KCTD15: variants seen among roughly 807,000 people sequenced by gnomAD.
KCTD15 encodes BTB/POZ domain-containing protein KCTD15.
KCTD15 carries 11 observed loss-of-function variants against 27.2 expected under a neutral mutation model. That is an observed-to-expected ratio of 0.41 (90% CI 0.25 to 0.67). The LOEUF (loss-of-function observed/expected upper bound fraction) is 0.67. KCTD15 is among the 30% of genes least tolerant of loss of function. The pLI, the probability that KCTD15 is intolerant of heterozygous loss-of-function variation, is 0.35. For synonymous variants in KCTD15, 163 were observed against 176.0 expected (o/e 0.93, Z 0.58); for missense variants, 350 against 409.3 (o/e 0.86, Z 1.25).
At chr19:33,797,866 T>C (rs1599666353) in intron 1 of KCTD15, among the ~76,000 whole-genome samples, 1 of 152,308 alleles carries the variant, frequency 6.6e-6, no homozygotes, top group South Asian at 2.1e-4. Flanking sequence ...ACAAAAGCGC[T>C]TTTACGTCCT....
At chr19:33,794,764 C>T (rs1975267401), upstream of KCTD15, among the ~76,000 whole-genome samples, 1 of 152,256 alleles carries the variant, frequency 6.6e-6, no homozygotes, top group South Asian at 2.1e-4. Context: ...GCTTCACTTT[C>T]TATTTGTGTC....
chr19:33,804,965 C>T (rs1168767618), intron 4 of KCTD15, among the ~76,000 whole-genome samples: 1 of 152,190 alleles, frequency 6.6e-6, no homozygotes, highest in Non-Finnish European at 1.5e-5. Flanking sequence ...GTTTGTCTTT[C>T]TTGGCCAGGC....
At chr19:33,811,731 G>T (rs545476530) in intron 6 of KCTD15, 179 bp downstream of exon 6, 3 of 1,567,660 alleles carry the variant, frequency 1.9e-6, no homozygotes, top group Non-Finnish European at 2.6e-6. Flanking sequence ...ATTAAATGAT[G>T]GCGCCTGGGG....
At chr19:33,795,628 G>C (rs1975296994), upstream of KCTD15, among the ~76,000 whole-genome samples, 1 of 152,080 alleles carries the variant, frequency 6.6e-6, no homozygotes, top group Non-Finnish European at 1.5e-5. Flanking sequence ...CTAGGAGCCG[G>C]GAAATGGTCG....
chr19:33,805,165 C>T (rs1241684731), intron 4 of KCTD15, among the ~76,000 whole-genome samples: 1 of 152,156 alleles, frequency 6.6e-6, no homozygotes, highest in Non-Finnish European at 1.5e-5. Context: ...TCAAGCAGTC[C>T]TCCACCTTAG....
rs1294118569 is a variant in KCTD15 at position 33,815,332 on chromosome 19, C to A, written c.*2384C>A. 1 of 152,184 alleles carries A rather than the reference C, an allele frequency of 6.6e-6. No homozygotes were observed. Among genetic ancestry groups the A allele is most frequent in the Non-Finnish European group, 1.5e-5 (1 of 68,036 alleles). 9.4% of individuals were successfully genotyped at this position (152,184 alleles called of 1,614,324 possible). ...GAATTTCTGAATTTATAGGGAAACACTATGTCCCCATAATGATGCTATAAT... is the reference window on the plus strand; with the variant it reads ...GAATTTCTGAATTTATAGGGAAACAATATGTCCCCATAATGATGCTATAAT... On this transcript the variant is annotated 3_prime_UTR_variant, in exon 7 of 7. Coordinates refer to ENST00000683859, the MANE Select transcript of KCTD15 (RefSeq NM_001129994.2).
chr19:33,812,382 G>A, intron 6 of KCTD15: 10 of 1,031,500 alleles, frequency 9.7e-6, no homozygotes, highest in Non-Finnish European at 1.2e-5. Context: ...CCTAGAGGCT[G>A]AAGGACAGGG....
At chr19:33,806,529 T>G (rs1265634958) in intron 4 of KCTD15, among the ~76,000 whole-genome samples, 1 of 152,102 alleles carries the variant, frequency 6.6e-6, no homozygotes, top group African/African-American at 2.4e-5. Context: ...ACCAGCTGGT[T>G]TGTGTGTAGG....
At chr19:33,797,283 T>TGTGTGTGTGC (rs1161099493) in intron 1 of KCTD15, 18 of 120,678 alleles carry the variant, frequency 1.5e-4, no homozygotes, top group East Asian at 6.6e-4. Flanking sequence ...TGTGTGTGTG[T>TGTGTGTGTGC]GCGCGCGCGC....
chr19:33,805,965 C>T (rs547313958), intron 4 of KCTD15, among the ~76,000 whole-genome samples: 1 of 152,354 alleles, frequency 6.6e-6, no homozygotes, highest in South Asian at 2.1e-4. Context: ...AGAACCATTG[C>T]CCTTCAGAGG....
At chr19:33,797,247 G>GGTGCGT (rs759501955) in intron 1 of KCTD15, among the ~76,000 whole-genome samples, 3 of 120,712 alleles carry the variant, frequency 2.5e-5, no homozygotes, top group African/African-American at 9.4e-5. Flanking sequence ...CCTGCCGCGC[G>GGTGCGT]GTGTGTGTGT....
chr19:33,811,791 G>A (rs748444599), intron 6 of KCTD15: 1 of 1,601,422 alleles, frequency 6.2e-7, no homozygotes, highest in African/African-American at 1.4e-5. Flanking sequence ...TTTCCAAAAG[G>A]ATGTTCTATA....
At position 33,813,424 on chromosome 19, in the gene KCTD15, C is replaced by A. The variant is rs1975995361; in HGVS notation, c.*476C>A. On this transcript the variant is annotated 3_prime_UTR_variant, in exon 7 of 7. Transcript: ENST00000683859. ...TCAGAGAGGCTGACAAGGACCAATG[C>A]TTCTTTATCTGGTGCTCAGTTCTCA... 1 of 457,664 alleles carries A rather than the reference C, an allele frequency of 2.2e-6. No individual in the cohort carries two copies. The highest frequency in any genetic ancestry group is 2.0e-5 in the African/African-American group (1 of 50,140). The allele number at this position is 457,664 out of a possible 1,614,324, so 28.4% of individuals were successfully genotyped here. A position where few individuals can be genotyped will look rare whatever the true frequency, so the allele number is the denominator to read the frequency against.
chr19:33,802,071 T>TG (rs1276394230), intron 4 of KCTD15, among the ~76,000 whole-genome samples: 1 of 152,182 alleles, frequency 6.6e-6, no homozygotes, highest in Non-Finnish European at 1.5e-5. Flanking sequence ...TGCTGGGTGC[T>TG]GCCAGCTCTC....
intron 5 of KCTD15, 75 bp downstream of exon 5, chr19:33,807,082 G>A (rs2145473593): frequency 6.7e-7 from 1 of 1,484,634 alleles, no homozygotes; most frequent in Non-Finnish European, 9.1e-7. Flanking sequence ...GACTTAATAA[G>A]TGGACCCCTG....
chr19:33,811,468 C>T lies in KCTD15; in HGVS notation c.609C>T (p.Asn203=). 4 of 1,612,982 alleles carry T rather than the reference C, an allele frequency of 2.5e-6. No individual in the cohort carries two copies. Among genetic ancestry groups the T allele is most frequent in the Non-Finnish European group, 3.4e-6 (4 of 1,179,826 alleles). ...VFPETGDVMC[N]SVNAGWNQDP... ...CCGAGACCGGAGACGTCATGTGCAA[C>T]TCCGTCAACGCCGGCTGGAACCAGG... The change falls in exon 6 of 7, where the codon AAC becomes AAT. Residue 203 remains asparagine (N), a synonymous_variant. Transcript: ENST00000683859.
rs1275562944 is a variant in KCTD15 at position 33,813,610 on chromosome 19, C to T, written c.*662C>T. 3.0e-6 allele frequency: 1 copy of T among 336,472 alleles called. No homozygotes were observed. Among genetic ancestry groups the T allele is most frequent in the Admixed American group, 4.2e-5 (1 of 23,630 alleles). The allele number at this position is 336,472 out of a possible 1,614,324, so 20.8% of individuals were successfully genotyped here. A position where few individuals can be genotyped will look rare whatever the true frequency, so the allele number is the denominator to read the frequency against. On this transcript the variant is annotated 3_prime_UTR_variant, in exon 7 of 7. Transcript: ENST00000683859. ...GAGGGCTGAGTGATTCTGTAACCAC[C>T]TGAGACCTTCACGTTTGCTGCCGTT...
intron 6 of KCTD15, chr19:33,812,406 TG>T (rs1274819239): frequency 1.9e-6 from 2 of 1,045,222 alleles, no homozygotes; most frequent in Non-Finnish European, 2.3e-6. Flanking sequence ...TCTCCATTAT[TG>T]GGGCAGGACT....
At chr19:33,806,524 C>T (rs1279905400) in intron 4 of KCTD15, among the ~76,000 whole-genome samples, 1 of 152,120 alleles carries the variant, frequency 6.6e-6, no homozygotes, top group Non-Finnish European at 1.5e-5. Flanking sequence ...CTGTGACCAG[C>T]TGGTTTGTGT....
Sources: gnomAD v4.1 joint callset for allele counts (sites outside exome capture counted in the v4.1 genomes callset) on GRCh38, gnomAD v4.1.1 for gene constraint, MANE v1.5 for transcripts, NCBI Gene and HGNC (gene_info 2026-07-23, HGNC 2026-07-21) for gene names.